LRRC34: variants seen among roughly 807,000 people sequenced by gnomAD.
LRRC34 encodes leucine rich repeat containing 34.
Under a neutral mutation model 48.5 loss-of-function variants are expected in LRRC34, and 44 were observed. That is an observed-to-expected ratio of 0.91 (90% CI 0.71 to 1.17). LRRC34 has a LOEUF of 1.17. Ranked by LOEUF, LRRC34 falls within the 50% of genes most tolerant of loss-of-function variation. LRRC34 has a pLI of 0.00. For missense variants in LRRC34, 502 were observed against 563.0 expected, an observed-to-expected ratio of 0.89 and a Z score of 1.10; for synonymous variants, 192 against 197.6, an observed-to-expected ratio of 0.97 and a Z score of 0.24.
Position 169,807,662 on chromosome 3 carries a change from A to T in LRRC34, c.305T>A (p.Val102Glu). ...TLNIAGNNRL[V>E]PVERVTGEDF... Reference sequence around the variant, plus strand: ...TTCACCTGTAACTCTTTCTACTGGCACTAAGCGATTGTTACCAGCAATGTT... The same window carrying T: ...TTCACCTGTAACTCTTTCTACTGGCTCTAAGCGATTGTTACCAGCAATGTT... The change falls in exon 3 of 11, where the codon GTG (valine) becomes GAG (glutamate). Residue 102 changes from valine (V) to glutamate (E), a missense_variant. Transcript: ENST00000446859. 1 of 1,609,964 alleles carries T rather than the reference A, an allele frequency of 6.2e-7. No homozygotes were observed. The highest frequency in any genetic ancestry group is 8.5e-7 in the Non-Finnish European group (1 of 1,179,006).
In LRRC34 at chr3:169,812,425, G is replaced by T; in HGVS notation, c.124C>A (p.Leu42Met). The change falls in exon 1 of 11, where the codon CTG (leucine) becomes ATG (methionine). Residue 42 changes from leucine to methionine, a missense_variant. By Grantham distance (15) the Leu-to-Met change is conservative. Transcript: ENST00000446859. This position sits in a 1 kb window ranked among gnomAD's most constrained non-coding sequence, Gnocchi z 4.3. ...STQASTPGAALAVQRESPESG... is the reference protein window; with the variant it reads ...STQASTPGAAMAVQRESPESG... The stretch of plus-strand genomic sequence containing the variant: ...TACTTCTTACCGCGCTGGACCGCCA[G>T]GGCCGCGCCCGGAGTACTGGCCTGA... The T allele has an allele frequency of 6.5e-7, 1 of 1,529,192 alleles. No homozygotes were observed. The highest frequency in any genetic ancestry group is 8.7e-7 in the Non-Finnish European group (1 of 1,144,734). 94.7% of individuals were successfully genotyped at this position (1,529,192 alleles called of 1,614,324 possible). A position where few individuals can be genotyped will look rare whatever the true frequency, so the allele number is the denominator to read the frequency against.
In LRRC34 at chr3:169,795,472, A is replaced by G; in HGVS notation, c.1191+13T>C. 6.3e-7 allele frequency: 1 copy of G among 1,591,444 alleles called. No individual in the cohort carries two copies. The highest frequency in any genetic ancestry group is 8.6e-7 in the Non-Finnish European group (1 of 1,165,012). On this transcript the variant is annotated intron_variant, in intron 10 of 10. Coordinates refer to ENST00000446859, the MANE Select transcript of LRRC34 (RefSeq NM_001172779.2). ...GAAAAAGCCTTCAGTGAAGGAAAAA[A>G]CTTAAAACTTACTATACACGTAGCC...
chr3:169,793,852 G>A lies in LRRC34; in HGVS notation c.1192-14C>T. 1 of 1,559,624 alleles carries A rather than the reference G, an allele frequency of 6.4e-7. No homozygotes were observed. On this transcript the variant is annotated splice_polypyrimidine_tract_variant and intron_variant, in intron 10 of 10. Transcript: ENST00000446859. ...GTCTGAATATGCCTAGGATTTTTAG[G>A]AAAAAAACTATATCATTAAGAAAAA...
rs1778868393 is a variant in LRRC34, at chr3:169,793,505, TAC to T, written c.*128_*129del. ...CAATAGACAGTTATACAAAGTTTAA[TAC>T]AGTCATTATCTTTTACACATTTGAA... On this transcript the variant is annotated 3_prime_UTR_variant, in exon 11 of 11. Coordinates refer to ENST00000446859, the MANE Select transcript of LRRC34 (RefSeq NM_001172779.2). 1 of 674,872 alleles carries T rather than the reference TAC, an allele frequency of 1.5e-6. No individual in the cohort carries two copies. Among genetic ancestry groups the T allele is most frequent in the African/African-American group, 1.8e-5 (1 of 55,244 alleles). 41.8% of individuals were successfully genotyped at this position (674,872 alleles called of 1,614,324 possible).
At chr3:169,809,134 A>G (rs1779478037) in intron 1 of LRRC34, among the ~76,000 whole-genome samples, 1 of 152,020 alleles carries the variant, frequency 6.6e-6, no homozygotes, top group Non-Finnish European at 1.5e-5. Context: ...GGCAGAGTGC[A>G]GAATCAAACT....
At chr3:169,805,221 T>G (rs1440290797) in intron 5 of LRRC34, among the ~76,000 whole-genome samples, 1 of 152,168 alleles carries the variant, frequency 6.6e-6, no homozygotes, top group Admixed American at 6.5e-5. Context: ...AAACTCTGTA[T>G]GTGACACCAT....
intron 9 of LRRC34, 120 bp downstream of exon 9, chr3:169,796,094 A>C: frequency 7.3e-7 from 1 of 1,369,260 alleles, no homozygotes; most frequent in South Asian, 1.9e-5. Context: ...ACTTAATACT[A>C]TGTCAGTTTA....
Position 169,812,668 on chromosome 3 carries a change from A to AGCAGTG in LRRC34, c.-121_-120insCACTGC. 19 of 1,313,650 alleles carry AGCAGTG rather than the reference A, an allele frequency of 1.4e-5. No individual in the cohort carries two copies. Among genetic ancestry groups the AGCAGTG allele is most frequent in the Non-Finnish European group, 1.7e-5 (17 of 1,009,542 alleles). The allele number at this position is 1,313,650 out of a possible 1,614,324, so 81.4% of individuals were successfully genotyped here. On this transcript the variant is annotated 5_prime_UTR_variant, in exon 1 of 11. Coordinates refer to ENST00000446859, the MANE Select transcript of LRRC34 (RefSeq NM_001172779.2). This position sits in a 1 kb window ranked among gnomAD's most constrained non-coding sequence, Gnocchi z 4.3. ...GCCCGGGCCCTGAGGCCTCACTGCT[A>AGCAGTG]AGGCAGTGACCGCCTACTCTGTGGA...
In LRRC34 at chr3:169,812,673, A is replaced by G; in HGVS notation, c.-125T>C. On this transcript the variant is annotated 5_prime_UTR_variant, in exon 1 of 11. Transcript: ENST00000446859. This position sits in a 1 kb window ranked among gnomAD's most constrained non-coding sequence, Gnocchi z 4.3. ...GGCCCTGAGGCCTCACTGCTAAGGCAGTGACCGCCTACTCTGTGGAGGTCC... is the reference window on the plus strand; with the variant it reads ...GGCCCTGAGGCCTCACTGCTAAGGCGGTGACCGCCTACTCTGTGGAGGTCC... The G allele has an allele frequency of 7.6e-7, 1 of 1,313,670 alleles. No individual in the cohort carries two copies. The highest frequency in any genetic ancestry group is 9.9e-7 in the Non-Finnish European group (1 of 1,010,890). 81.4% of individuals were successfully genotyped at this position (1,313,670 alleles called of 1,614,324 possible).
rs181200456 is a variant in LRRC34, at chr3:169,798,110, G to A, written c.754-1211C>T. Among the ~76,000 whole-genome samples, 77 of 152,252 alleles carry A rather than the reference G, an allele frequency of 5.1e-4. 1 individual carries two copies. The East Asian group carries it at 0.01, about 20-fold the overall frequency. ...AAGGGATGCTATGTAGTCTAGGAAC[G>A]TAAAAAAATGCAAACCAACCACTTA... On this transcript the variant is annotated intron_variant, in intron 7 of 10. Coordinates refer to ENST00000446859, the MANE Select transcript of LRRC34 (RefSeq NM_001172779.2).
chr3:169,806,485 G>T (rs1032344749), intron 5 of LRRC34, among the ~76,000 whole-genome samples: 7 of 150,102 alleles, frequency 4.7e-5, no homozygotes, highest in African/African-American at 1.7e-4. Flanking sequence ...GGAGAGCAGG[G>T]GGTAGAAAAG....
intron 5 of LRRC34, 131 bp from the exon 6 acceptor site, chr3:169,804,312 T>G: frequency 2.8e-6 from 2 of 721,254 alleles, no homozygotes. Context: ...TATATTTTTT[T>G]TGAGACAGAG....
At chr3:169,796,096 G>A in intron 9 of LRRC34, 118 bp downstream of exon 9, 2 of 1,370,878 alleles carry the variant, frequency 1.5e-6, no homozygotes, top group African/African-American at 1.5e-5. Context: ...TTAATACTAT[G>A]TCAGTTTAGA....
intron 1 of LRRC34, among the ~76,000 whole-genome samples, chr3:169,809,895 T>C (rs1268991948): frequency 2.0e-5 from 3 of 152,158 alleles, no homozygotes; most frequent in African/African-American, 7.2e-5. Flanking sequence ...AATTTTCTTA[T>C]AGTTTTTAAT....
intron 7 of LRRC34, among the ~76,000 whole-genome samples, chr3:169,800,225 C>A (rs1365937080): frequency 6.6e-6 from 1 of 152,174 alleles, no homozygotes; most frequent in Non-Finnish European, 1.5e-5. Context: ...CTCCAGCAAG[C>A]AGCTTACTGC....
Position 169,796,887 on chromosome 3 carries a change from C to A in LRRC34, c.766G>T (p.Val256Phe), listed in dbSNP as rs751665358. ...ILYSEQEESTVHVGRMLKENH... is the reference protein window; with the variant it reads ...ILYSEQEESTFHVGRMLKENH... ...TCTTTCAACATGCGGCCTACATGGA[C>A]TGTAGACTCTTCCTAAAAGTGGATA... The change falls in exon 8 of 11, where the codon GTC (valine) becomes TTC (phenylalanine). Residue 256 changes from valine to phenylalanine, a missense_variant. Coordinates refer to ENST00000446859, the MANE Select transcript of LRRC34 (RefSeq NM_001172779.2). 1 of 1,566,666 alleles carries A rather than the reference C, an allele frequency of 6.4e-7. No homozygotes were observed. Among genetic ancestry groups the A allele is most frequent in the Non-Finnish European group, 8.6e-7 (1 of 1,157,426 alleles).
At chr3:169,796,467 G>C in intron 8 of LRRC34, 98 bp from the exon 9 acceptor site, 2 of 1,346,926 alleles carry the variant, frequency 1.5e-6, no homozygotes, top group South Asian at 1.4e-5. Flanking sequence ...TTCTGTTTTA[G>C]TAAAGGTTTA....
chr3:169,806,696 T>C (rs1305815861), intron 5 of LRRC34, 152 bp downstream of exon 5: 3 of 515,166 alleles, frequency 5.8e-6, no homozygotes, highest in East Asian at 6.2e-5. Flanking sequence ...GTTCATGCAA[T>C]GTCTACACTT....
chr3:169,806,969 T>G, intron 4 of LRRC34, 38 bp from the exon 5 acceptor site: 1 of 1,312,644 alleles, frequency 7.6e-7, no homozygotes, highest in Non-Finnish European at 1.1e-6. Context: ...TTATTATTAT[T>G]GGAAATTGGT....
Sources: allele counts gnomAD v4.1 joint callset (sites outside exome capture counted in the v4.1 genomes callset), GRCh38; gene constraint gnomAD v4.1.1; non-coding constraint Gnocchi (gnomAD v3.1); transcripts MANE v1.5; gene names NCBI Gene and HGNC (gene_info 2026-07-23, HGNC 2026-07-21).